The following VIPR2 variants were observed in gnomAD, a reference collection of about 807,000 sequenced individuals.
VIPR2 encodes vasoactive intestinal peptide receptor 2.
VIPR2 carries 48 observed loss-of-function variants against 58.0 expected under a neutral mutation model. That is an observed-to-expected ratio of 0.83 (90% CI 0.66 to 1.05). The LOEUF (loss-of-function observed/expected upper bound fraction) is 1.05, where lower values mean the gene tolerates loss of function less well. Ranked by LOEUF, VIPR2 falls within the 50% of genes least tolerant of loss-of-function variation. The pLI is 0.00. For missense variants in VIPR2, 534 were observed against 558.0 expected, an observed-to-expected ratio of 0.96 and a Z score of 0.43; for synonymous variants, 243 against 235.2, an observed-to-expected ratio of 1.03 and a Z score of -0.30.
At chr7:159,136,553 G>A (rs1039039020) in intron 2 of VIPR2, among the ~76,000 whole-genome samples, 1 of 152,032 alleles carries the variant, frequency 6.6e-6, no homozygotes, top group Admixed American at 6.5e-5. Flanking sequence ...CTGCTGCCCC[G>A]GAAGAAGCTG....
chr7:159,034,230 G>T lies in VIPR2; in HGVS notation c.954C>A (p.Asn318Lys). ...QKLTSPDVGG[N>K]DQSQYKRLAK... ...ACACTCACTTGTACTGAGACTGGTC[G>T]TTGCCGCCGACATCTGGGGATGTTA... Residue 318 changes from asparagine to lysine, a missense_variant, in exon 10 of 13, where the codon AAC becomes AAA. Coordinates refer to ENST00000262178, the MANE Select transcript of VIPR2 (RefSeq NM_003382.5). The T allele has an allele frequency of 6.2e-7, 1 of 1,614,068 alleles. No individual in the cohort carries two copies. The highest frequency in any genetic ancestry group is 8.5e-7 in the Non-Finnish European group (1 of 1,180,002).
chr7:159,037,259 T>C (rs1854029091), intron 6 of VIPR2, among the ~76,000 whole-genome samples: 1 of 152,218 alleles, frequency 6.6e-6, no homozygotes, highest in Non-Finnish European at 1.5e-5. Context: ...TCCCCTTCTC[T>C]GACCTGCTTC....
intron 4 of VIPR2, among the ~76,000 whole-genome samples, chr7:159,090,098 C>T (rs113661091): frequency 8.4e-6 from 1 of 119,054 alleles, no homozygotes. Flanking sequence ...GGGGCCACCT[C>T]TTGTGACCAT....
Position 159,030,509 on chromosome 7 carries a change from C to T in VIPR2, c.*107G>A. 3.6e-6 allele frequency: 5 copies of T among 1,388,606 alleles called. No individual in the cohort carries two copies. The highest frequency in any genetic ancestry group is 2.9e-5 in the Admixed American group (1 of 34,996). 86.0% of individuals were successfully genotyped at this position (1,388,606 alleles called of 1,614,324 possible). A position where few individuals can be genotyped will look rare whatever the true frequency, so the allele number is the denominator to read the frequency against. On this transcript the variant is annotated 3_prime_UTR_variant, in exon 13 of 13. Transcript: ENST00000262178. ...TTGACGGAGTCAGGACCGCGCTGAC[C>T]TGCCCGACACGGTGCTCGGGCATCT...
Position 159,034,279 on chromosome 7 carries a change from A to C in VIPR2, c.905T>G (p.Ile302Ser), listed in dbSNP as rs766851837. The C allele has an allele frequency of 4.3e-6, 7 of 1,614,034 alleles. No individual in the cohort carries two copies. Among genetic ancestry groups the C allele is most frequent in the Non-Finnish European group, 5.9e-6 (7 of 1,179,974 alleles). ...TAACTTCTGCAGCAAAATTCGTATA[A>C]TACTAATGAAAAGGACAAAATTGAC... is the stretch of plus-strand genomic sequence containing the variant. Reference protein sequence around the residue: ...IIVNFVLFISIIRILLQKLTS... With the variant: ...IIVNFVLFISSIRILLQKLTS... Residue 302 changes from isoleucine to serine, a missense_variant, in exon 10 of 13, where the codon ATT (isoleucine) becomes AGT (serine). Physicochemically the swap from Ile to Ser is moderately radical, Grantham distance 142. Transcript: ENST00000262178.
At chr7:159,139,556 C>T (rs373601162) in intron 2 of VIPR2, among the ~76,000 whole-genome samples, 4 of 152,126 alleles carry the variant, frequency 2.6e-5, no homozygotes, top group South Asian at 4.1e-4. Flanking sequence ...ACATGTAGAT[C>T]GAAATTAGTT....
At chr7:159,094,429 G>A (rs566755226) in intron 4 of VIPR2, among the ~76,000 whole-genome samples, 14 of 152,318 alleles carry the variant, frequency 9.2e-5, no homozygotes, top group Admixed American at 1.3e-4. Context: ...CCCCTGACCC[G>A]TCAGCCAGGG....
chr7:159,120,030 C>T (rs1796397785), intron 2 of VIPR2, among the ~76,000 whole-genome samples: 1 of 152,144 alleles, frequency 6.6e-6, no homozygotes, highest in Admixed American at 6.5e-5. Flanking sequence ...GCTGGGGCCA[C>T]CCTCAGCTCT....
Position 159,110,012 on chromosome 7 carries a change from C to T in VIPR2, c.152-93G>A. 8 of 1,196,926 alleles carry T rather than the reference C, an allele frequency of 6.7e-6. No homozygotes were observed. In the South Asian group the frequency reaches 7.6e-5, roughly 11 times the overall value. 74.1% of individuals were successfully genotyped at this position (1,196,926 alleles called of 1,614,324 possible). On this transcript the variant is annotated intron_variant, in intron 2 of 12. Transcript: ENST00000262178. ...AATGAGATAACTGCCTCGCAAACTC[C>T]TTTCCTGTGAAACACACTTGCACCA...
chr7:159,124,153 A>C (rs1433601883), intron 2 of VIPR2, among the ~76,000 whole-genome samples: 1 of 152,140 alleles, frequency 6.6e-6, no homozygotes, highest in African/African-American at 2.4e-5. Flanking sequence ...TAGTTTAATT[A>C]GACTCCATTT....
At chr7:159,137,887 G>A (rs1797295418) in intron 2 of VIPR2, among the ~76,000 whole-genome samples, 1 of 152,116 alleles carries the variant, frequency 6.6e-6, no homozygotes, top group African/African-American at 2.4e-5. Context: ...AAATGAAAAG[G>A]AAAGATATAG....
chr7:159,062,540 C>T (rs1289545214), intron 4 of VIPR2, among the ~76,000 whole-genome samples: 2 of 151,964 alleles, frequency 1.3e-5, no homozygotes, highest in African/African-American at 2.4e-5. Flanking sequence ...GTTGTTCATT[C>T]CTCCCGCCCA....
At position 159,097,182 on chromosome 7, in the gene VIPR2, G is replaced by T; in HGVS notation, c.357+6575C>A. Reference sequence around the variant, plus strand: ...TGCTGTGATCTTTGTCACCAGGGATGGGAGCCCTGGGGAGTGAAGTTTGCC... The same window carrying T: ...TGCTGTGATCTTTGTCACCAGGGATTGGAGCCCTGGGGAGTGAAGTTTGCC... On this transcript the variant is annotated intron_variant, in intron 4 of 12. Transcript: ENST00000262178. This position sits in a 1 kb window ranked among gnomAD's most constrained non-coding sequence, Gnocchi z 5.3. The T allele has an allele frequency of 7.0e-7, 1 of 1,436,128 alleles. No homozygotes were observed. Among genetic ancestry groups the T allele is most frequent in the South Asian group, 1.5e-5 (1 of 64,876 alleles). 89.0% of individuals were successfully genotyped at this position (1,436,128 alleles called of 1,614,324 possible). A position where few individuals can be genotyped will look rare whatever the true frequency, so the allele number is the denominator to read the frequency against.
intron 2 of VIPR2, among the ~76,000 whole-genome samples, chr7:159,123,315 A>AAAAT (rs59397053): frequency 7.1e-6 from 1 of 141,182 alleles, no homozygotes; most frequent in Non-Finnish European, 1.5e-5. Flanking sequence ...AAAAAAAAAA[A>AAAAT]GAAAGAAAAA....
At chr7:159,144,557 C>A (rs745955107) in intron 1 of VIPR2, 164 bp downstream of exon 1, 3 of 1,460,578 alleles carry the variant, frequency 2.1e-6, no homozygotes, top group African/African-American at 2.9e-5. Flanking sequence ...TTCACGCTCT[C>A]CGGGAGGAAG....
chr7:159,034,481 T>C (rs1472718956), intron 9 of VIPR2, 100 bp downstream of exon 9: 4 of 1,363,156 alleles, frequency 2.9e-6, no homozygotes, highest in Middle Eastern at 1.8e-4. Context: ...GAGTGATGCG[T>C]GGAATGGGGT....
Position 159,120,262 on chromosome 7 carries a change from G to A in VIPR2, c.152-10343C>T, listed in dbSNP as rs180992088. Among the ~76,000 whole-genome samples, 3 of 152,302 alleles carry A rather than the reference G, an allele frequency of 2.0e-5. No individual in the cohort carries two copies. The East Asian group carries it at 5.8e-4, about 29-fold the overall frequency. On this transcript the variant is annotated intron_variant, in intron 2 of 12. Transcript: ENST00000262178. ...TTCTCCTCACCTGTCTCTTAAATAA[G>A]GAGCAGCCTTCTACCAGGGAGAAGA...
chr7:159,141,918 T>C (rs766854740), intron 2 of VIPR2, among the ~76,000 whole-genome samples: 31 of 152,194 alleles, frequency 2.0e-4, no homozygotes, highest in Non-Finnish European at 1.3e-4. Context: ...GCAGGCCCTG[T>C]TGGAGCATGA....
chr7:159,053,736 T>TG (rs1426817259), intron 5 of VIPR2, among the ~76,000 whole-genome samples: 1 of 152,118 alleles, frequency 6.6e-6, no homozygotes, highest in East Asian at 1.9e-4. Flanking sequence ...ACTGTAGAGA[T>TG]GGGGTCTCCC....
Sources: gnomAD v4.1 joint callset for allele counts (sites outside exome capture counted in the v4.1 genomes callset) on GRCh38, gnomAD v4.1.1 for gene constraint, Gnocchi (gnomAD v3.1) non-coding constraint, MANE v1.5 for transcripts, NCBI Gene and HGNC (gene_info 2026-07-23, HGNC 2026-07-21) for gene names.